GPRC5A: variants seen among roughly 807,000 people sequenced by gnomAD.
GPRC5A encodes the protein G protein-coupled receptor class C group 5 member A.
In GPRC5A, 19 loss-of-function variants were observed where a neutral mutation model predicts 22.5. The observed-to-expected ratio is 0.85, with a 90% CI of 0.59 to 1.24. The LOEUF is 1.24. GPRC5A is among the 50% of genes most tolerant of loss of function. The pLI is 0.00. For missense variants in GPRC5A, 471 were observed against 451.1 expected (o/e 1.04, Z -0.40); for synonymous variants, 192 against 184.5 (o/e 1.04, Z -0.33).
chr12:12,893,352 C>T lies in GPRC5A; in HGVS notation c.-8+1688C>T, dbSNP rs140735784. Among the ~76,000 whole-genome samples the T allele has an allele frequency of 1.4e-4, 22 of 152,318 alleles. No individual in the cohort carries two copies. The East Asian group carries it at 3.7e-3, about 25-fold the overall frequency. ...AACAGGGTATGAAGAACAATTTTGA[C>T]GGCGTGATTTTATTCTTCTCATTCT... On this transcript the variant is annotated intron_variant, in intron 1 of 3. Coordinates refer to ENST00000014914, the MANE Select transcript of GPRC5A (RefSeq NM_003979.4).
Position 12,909,085 on chromosome 12 carries a change from T to C in GPRC5A, c.836T>C (p.Val279Ala), listed in dbSNP as rs756256390. ...CAACGAAACCCCATGGATTATCCTG[T>C]TGAGGATGCTTTCTGTAAACCTCAA... ...TKQRNPMDYPVEDAFCKPQLV... is the reference protein window; with the variant it reads ...TKQRNPMDYPAEDAFCKPQLV... Residue 279 changes from valine to alanine, a missense_variant, in exon 2 of 4, where the codon GTT (valine) becomes GCT (alanine). Transcript: ENST00000014914. 6 of 1,604,644 alleles carry C rather than the reference T, an allele frequency of 3.7e-6. No individual in the cohort carries two copies. The highest frequency in any genetic ancestry group is 1.7e-6 in the Non-Finnish European group (2 of 1,179,812).
At chr12:12,900,913 A>AC (rs1863879443) in intron 1 of GPRC5A, among the ~76,000 whole-genome samples, 2 of 106,384 alleles carry the variant, frequency 1.9e-5, no homozygotes, top group Non-Finnish European at 3.7e-5. Flanking sequence ...AAAAAAAAAA[A>AC]CAAAAAAAAA....
rs996661718 is a variant in GPRC5A, at chr12:12,895,057, C to A, written c.-8+3393C>A. On this transcript the variant is annotated intron_variant, in intron 1 of 3. Coordinates refer to ENST00000014914, the MANE Select transcript of GPRC5A (RefSeq NM_003979.4). The stretch of plus-strand genomic sequence containing the variant: ...CCTCCCAAAGTGCTGGGATTACAGG[C>A]GTGAGCCACCGTGCCCGGCCCAGGA... Among the ~76,000 whole-genome samples, 7 of 152,150 alleles carry A rather than the reference C, an allele frequency of 4.6e-5. No individual in the cohort carries two copies. In the South Asian group the frequency reaches 1.5e-3, roughly 32 times the overall value.
rs1864082481 is a variant in GPRC5A, at chr12:12,917,931, CAAA to C, written c.*5393_*5395del. 6.6e-6 allele frequency: 1 copy of C among 152,216 alleles called. No homozygotes were observed. Among genetic ancestry groups the C allele is most frequent in the East Asian group, 1.9e-4 (1 of 5,184 alleles). 9.4% of individuals were successfully genotyped at this position (152,216 alleles called of 1,614,324 possible). On this transcript the variant is annotated 3_prime_UTR_variant, in exon 4 of 4. Transcript: ENST00000014914. ...AATAACATTTTAAATAAAACAACGA[CAAA>C]GAAGTCTGAGTCAGGTGGTAAAATT...
At chr12:12,901,732 T>C (rs1003005875) in intron 1 of GPRC5A, among the ~76,000 whole-genome samples, 3 of 141,698 alleles carry the variant, frequency 2.1e-5, no homozygotes, top group Non-Finnish European at 3.0e-5. Context: ...TGAGAATTTA[T>C]GAGATGTGTG....
intron 1 of GPRC5A, among the ~76,000 whole-genome samples, chr12:12,897,390 G>C (rs1163966368): frequency 1.3e-5 from 2 of 151,186 alleles, no homozygotes; most frequent in African/African-American, 4.8e-5. Context: ...AATAATTCAT[G>C]TGTTGAGGCA....
chr12:12,899,553 T>G (rs2136456973), intron 1 of GPRC5A, among the ~76,000 whole-genome samples: 1 of 152,290 alleles, frequency 6.6e-6, no homozygotes, highest in South Asian at 2.1e-4. Context: ...CTCTGTTAGG[T>G]TTCTCACCTA....
At chr12:12,903,588 A>G (rs1049336520) in intron 1 of GPRC5A, among the ~76,000 whole-genome samples, 32 of 152,318 alleles carry the variant, frequency 2.1e-4, no homozygotes, top group African/African-American at 7.7e-4. Flanking sequence ...CGGCTGGCCT[A>G]AATAATGTTT....
In GPRC5A at chr12:12,914,590, T is replaced by TCTCTCTC. The variant is rs1565466573; in HGVS notation, c.*2051_*2052insCTCTCTC. 1.5e-5 allele frequency: 1 copy of TCTCTCTC among 65,266 alleles called. No homozygotes were observed. Among genetic ancestry groups the TCTCTCTC allele is most frequent in the Non-Finnish European group, 2.8e-5 (1 of 35,314 alleles). 4.0% of individuals were successfully genotyped at this position (65,266 alleles called of 1,614,324 possible). On this transcript the variant is annotated 3_prime_UTR_variant, in exon 4 of 4. Transcript: ENST00000014914. ...TTTCTTTCTTTCTTTCTTTCTTTCTTTCTTTCTCTCTCTCTCTCTCTCTCT... is the reference window on the plus strand; with the variant it reads ...TTTCTTTCTTTCTTTCTTTCTTTCTTCTCTCTCTCTTTCTCTCTCTCTCTCTCTCTCT...
At chr12:12,912,228 T>C (rs1864012917) in intron 3 of GPRC5A, 86 bp downstream of exon 3, 1 of 1,060,356 alleles carries the variant, frequency 9.4e-7, no homozygotes, top group Admixed American at 1.7e-5. Context: ...GTTACCTTTC[T>C]CATGGCCCCT....
chr12:12,898,646 A>G (rs1863848798), intron 1 of GPRC5A, among the ~76,000 whole-genome samples: 1 of 152,232 alleles, frequency 6.6e-6, no homozygotes, highest in Non-Finnish European at 1.5e-5. Context: ...TGCAGGTCGC[A>G]TATTTATCAA....
chr12:12,904,290 T>C (rs1056466807), intron 1 of GPRC5A, among the ~76,000 whole-genome samples: 2 of 152,210 alleles, frequency 1.3e-5, no homozygotes, highest in African/African-American at 4.8e-5. Flanking sequence ...GGTGCTTGGA[T>C]TGCAGGGGCT....
chr12:12,905,935 GA>G (rs1863937440), intron 1 of GPRC5A, among the ~76,000 whole-genome samples: 1 of 152,266 alleles, frequency 6.6e-6, no homozygotes, highest in South Asian at 2.1e-4. Context: ...TCCTGGGGCT[GA>G]ACTAGGAGAG....
At chr12:12,891,847 T>C (rs1863762054) in intron 1 of GPRC5A, 183 bp downstream of exon 1, 1 of 151,040 alleles carries the variant, frequency 6.6e-6, no homozygotes, top group African/African-American at 2.4e-5. Flanking sequence ...AGATTTTTTT[T>C]TTTTTTTTTC....
chr12:12,912,020 A>T, intron 2 of GPRC5A, 64 bp from the exon 3 acceptor site: 2 of 947,414 alleles, frequency 2.1e-6, no homozygotes, highest in Non-Finnish European at 3.5e-6. Flanking sequence ...GTGATAAGTG[A>T]TACAATGGGG....
At chr12:12,893,265 C>T (rs1863783189) in intron 1 of GPRC5A, among the ~76,000 whole-genome samples, 1 of 152,186 alleles carries the variant, frequency 6.6e-6, no homozygotes, top group Non-Finnish European at 1.5e-5. Context: ...GCACACGTCG[C>T]CTTGGAAGTT....
chr12:12,909,208 T>C (rs774046187), intron 2 of GPRC5A, 37 bp downstream of exon 2: 15 of 1,373,704 alleles, frequency 1.1e-5, no homozygotes, highest in East Asian at 2.3e-5. Context: ...GAATCCCTTG[T>C]AGAAAGGTGG....
Position 12,908,729 on chromosome 12 carries a change from C to T in GPRC5A, c.480C>T (p.Thr160=). 6.2e-7 allele frequency: 1 copy of T among 1,613,974 alleles called. No individual in the cohort carries two copies. Among genetic ancestry groups the T allele is most frequent in the Non-Finnish European group, 8.5e-7 (1 of 1,179,808 alleles). Reference sequence around the variant, plus strand: ...ATATTGTCCTGACCATGAATAGGACCAACGTCAATGTCTTTTCTGAGCTTT... The same window carrying T: ...ATATTGTCCTGACCATGAATAGGACTAACGTCAATGTCTTTTCTGAGCTTT... ...IEYIVLTMNR[T]NVNVFSELSA... is the part of the protein sequence containing the mutation. The change falls in exon 2 of 4, where the codon ACC becomes ACT. Residue 160 remains threonine, a synonymous_variant. Coordinates refer to ENST00000014914, the MANE Select transcript of GPRC5A (RefSeq NM_003979.4).
At position 12,915,799 on chromosome 12, in the gene GPRC5A, A is replaced by G; in HGVS notation, c.*3260A>G. The G allele has an allele frequency of 4.0e-6, 2 of 501,570 alleles. No homozygotes were observed. Among genetic ancestry groups the G allele is most frequent in the Non-Finnish European group, 8.3e-6 (2 of 240,522 alleles). The allele number at this position is 501,570 out of a possible 1,614,324, so 31.1% of individuals were successfully genotyped here. A position where few individuals can be genotyped will look rare whatever the true frequency, so the allele number is the denominator to read the frequency against. ...TGAAAGTGCTGGGATTACAGGCATGAGCCACCGCGCCCGGCCCCGTTGTTT... is the reference window on the plus strand; with the variant it reads ...TGAAAGTGCTGGGATTACAGGCATGGGCCACCGCGCCCGGCCCCGTTGTTT... On this transcript the variant is annotated 3_prime_UTR_variant, in exon 4 of 4. Transcript: ENST00000014914.
Sources: allele counts gnomAD v4.1 joint callset (sites outside exome capture counted in the v4.1 genomes callset), GRCh38; gene constraint gnomAD v4.1.1; transcripts MANE v1.5; gene names NCBI Gene and HGNC (gene_info 2026-07-23, HGNC 2026-07-21).